The following CDH18 variants were observed in gnomAD, a reference collection of about 807,000 sequenced individuals.
The protein encoded by CDH18 is cadherin 18.
A neutral mutation model predicts 67.9 loss-of-function variants in CDH18; 31 were observed. That is an observed-to-expected ratio of 0.46 (90% CI 0.34 to 0.62). CDH18 has a LOEUF of 0.62. Ranked by LOEUF, CDH18 falls within the 20% of genes least tolerant of loss-of-function variation. CDH18 has a pLI of 0.01. For synonymous variants in CDH18, 362 were observed against 347.2 expected, an observed-to-expected ratio of 1.04 and a Z score of -0.48; for missense variants, 890 against 975.5, an observed-to-expected ratio of 0.91 and a Z score of 1.17.
intron 1 of CDH18, among the ~76,000 whole-genome samples, chr5:20,325,688 G>C (rs563217677): frequency 2.3e-4 from 34 of 150,884 alleles, no homozygotes; most frequent in African/African-American, 8.2e-4. Flanking sequence ...ACCACTTTCT[G>C]GGGAATCAAC....
At chr5:20,117,172 ATATC>A (rs1747994744) in intron 2 of CDH18, among the ~76,000 whole-genome samples, 1 of 152,166 alleles carries the variant, frequency 6.6e-6, no homozygotes, top group Non-Finnish European at 1.5e-5. Flanking sequence ...TTAAGCATAA[ATATC>A]TATCACTGGG....
chr5:19,674,936 C>A (rs1759258965), intron 5 of CDH18, among the ~76,000 whole-genome samples: 2 of 152,088 alleles, frequency 1.3e-5, no homozygotes, highest in Admixed American at 1.3e-4. Context: ...ACGGGAAATT[C>A]AGCCCCCAAT....
intron 5 of CDH18, among the ~76,000 whole-genome samples, chr5:19,715,974 C>T (rs1765293259): frequency 6.6e-6 from 1 of 151,922 alleles, no homozygotes; most frequent in African/African-American, 2.4e-5. Context: ...TGCACTACTA[C>T]ACCTGACTAA....
chr5:20,368,900 C>T (rs1226489721), intron 1 of CDH18, among the ~76,000 whole-genome samples: 1 of 152,132 alleles, frequency 6.6e-6, no homozygotes, highest in Non-Finnish European at 1.5e-5. Flanking sequence ...TGATGTTCTA[C>T]GTTCTCCTGT....
chr5:19,991,437 T>A (rs1238057070), upstream of CDH18, among the ~76,000 whole-genome samples: 1 of 152,158 alleles, frequency 6.6e-6, no homozygotes, highest in African/African-American at 2.4e-5. Context: ...ATCTATCACC[T>A]CTATGTAGTT....
chr5:20,324,730 A>G (rs935402203), intron 1 of CDH18, among the ~76,000 whole-genome samples: 2 of 152,236 alleles, frequency 1.3e-5, no homozygotes, highest in African/African-American at 2.4e-5. Context: ...TTTACAGTCC[A>G]AAGACATACA....
intron 1 of CDH18, among the ~76,000 whole-genome samples, chr5:20,283,376 T>C (rs1409051348): frequency 6.6e-6 from 1 of 152,054 alleles, no homozygotes; most frequent in African/African-American, 2.4e-5. Flanking sequence ...TACCAGAGTA[T>C]ATAAGGAGTG....
At chr5:20,327,886 CAATAAT>C (rs922688709) in intron 1 of CDH18, among the ~76,000 whole-genome samples, 1 of 151,582 alleles carries the variant, frequency 6.6e-6, no homozygotes, top group African/African-American at 2.4e-5. Context: ...AAAATAATAA[CAATAAT>C]AACAATACAA....
intron 2 of CDH18, among the ~76,000 whole-genome samples, chr5:19,960,131 A>G (rs777337212): frequency 4.6e-5 from 7 of 152,032 alleles, no homozygotes; most frequent in Non-Finnish European, 8.8e-5. Context: ...CACTAAATTT[A>G]AATATTTTCT....
At chr5:19,716,784 G>A (rs1765392164) in intron 5 of CDH18, among the ~76,000 whole-genome samples, 1 of 151,974 alleles carries the variant, frequency 6.6e-6, no homozygotes, top group African/African-American at 2.4e-5. Context: ...TAGCCTGTCT[G>A]ATCTTACTAT....
chr5:20,009,400 A>G (rs529035500), intron 2 of CDH18, among the ~76,000 whole-genome samples: 1 of 152,220 alleles, frequency 6.6e-6, no homozygotes, highest in East Asian at 1.9e-4. Flanking sequence ...TGTTTGCAGT[A>G]TTTCAGGGGG....
intron 3 of CDH18, among the ~76,000 whole-genome samples, chr5:19,762,411 A>T (rs2149708704): frequency 6.6e-6 from 1 of 152,192 alleles, no homozygotes; most frequent in African/African-American, 2.4e-5. Context: ...AAATCAAACA[A>T]CCCCATCAAA....
At chr5:19,521,339 T>A (rs777429240) in intron 9 of CDH18, among the ~76,000 whole-genome samples, 4 of 152,206 alleles carry the variant, frequency 2.6e-5, no homozygotes, top group Non-Finnish European at 2.9e-5. Context: ...GCAATTTACA[T>A]GTAACTCTCG....
intron 1 of CDH18, among the ~76,000 whole-genome samples, chr5:20,309,374 C>G (rs1736787406): frequency 6.6e-6 from 1 of 152,156 alleles, no homozygotes. Context: ...CCGTGGCACA[C>G]TGTCTTAAAA....
At chr5:19,932,067 T>C (rs867612250) in intron 2 of CDH18, among the ~76,000 whole-genome samples, 3 of 151,860 alleles carry the variant, frequency 2.0e-5, no homozygotes, top group Non-Finnish European at 4.4e-5. Flanking sequence ...TGAAAGAACA[T>C]GTATGAACTA....
intron 6 of CDH18, among the ~76,000 whole-genome samples, chr5:19,593,140 A>G (rs1413917461): frequency 1.3e-5 from 2 of 152,148 alleles, no homozygotes; most frequent in South Asian, 4.1e-4. Flanking sequence ...GAATGCTAAT[A>G]TTTATTTGTA....
chr5:19,769,625 G>T (rs1468788026), intron 3 of CDH18, among the ~76,000 whole-genome samples: 5 of 151,982 alleles, frequency 3.3e-5, no homozygotes, highest in African/African-American at 1.2e-4. Flanking sequence ...AAGCCTAAAT[G>T]TAATAGATAA....
chr5:19,527,729 T>C (rs1048249724), intron 9 of CDH18, among the ~76,000 whole-genome samples: 2 of 151,814 alleles, frequency 1.3e-5, no homozygotes, highest in Admixed American at 6.6e-5. Flanking sequence ...ACTTATCCCA[T>C]ATATTTATTC....
chr5:19,621,797 T>G (rs1358355337), intron 5 of CDH18, among the ~76,000 whole-genome samples: 1 of 152,198 alleles, frequency 6.6e-6, no homozygotes, highest in Middle Eastern at 3.2e-3. Flanking sequence ...ACTTAAAAAT[T>G]GTTTAAAAGG....
Sources: gnomAD v4.1 joint callset for allele counts (sites outside exome capture counted in the v4.1 genomes callset) on GRCh38, gnomAD v4.1.1 for gene constraint, MANE v1.5 for transcripts, NCBI Gene and HGNC (gene_info 2026-07-23, HGNC 2026-07-21) for gene names.